The following NSD2 variants were observed in gnomAD, a reference collection of about 807,000 sequenced individuals.
The protein encoded by NSD2 is nuclear receptor binding SET domain protein 2, also known as histone-lysine N-methyltransferase NSD2.
NSD2 carries 12 observed loss-of-function variants against 139.0 expected under a neutral mutation model. The observed-to-expected ratio is 0.09, with a 90% confidence interval of 0.06 to 0.14. NSD2 has a LOEUF of 0.14. Among genes scored for constraint, NSD2 ranks in the 10% least tolerant of loss-of-function variants. The probability of loss-of-function intolerance (pLI) is 1.00; values close to 1 mark genes in which losing one functional copy is unlikely to be tolerated. For synonymous variants in NSD2, 669 were observed against 648.7 expected, an observed-to-expected ratio of 1.03 and a Z score of -0.48; for missense variants, 1,155 against 1,745.0, an observed-to-expected ratio of 0.66 and a Z score of 6.02.
chr4:1,916,889 G>A lies in NSD2; in HGVS notation c.779G>A (p.Arg260His). ...TKLKGQKKSA[R>H]QYHVQFFGDA... ...AAACTAGGTCAGAAAAAGAGTGCACGCCAGTATCACGTACAGTTCTTTGGT... is the reference window on the plus strand; with the variant it reads ...AAACTAGGTCAGAAAAAGAGTGCACACCAGTATCACGTACAGTTCTTTGGT... Residue 260 changes from arginine to histidine, a missense_variant, in exon 4 of 22, where the codon CGC becomes CAC. By Grantham distance (29) the Arg-to-His change is conservative. This residue lies in a region of NSD2 where 34 missense variants were observed against 75.2 expected (regional missense o/e 0.45). Coordinates refer to ENST00000508803, the MANE Select transcript of NSD2 (RefSeq NM_001042424.3). 1 of 1,610,528 alleles carries A rather than the reference G, an allele frequency of 6.2e-7. No homozygotes were observed. Among genetic ancestry groups the A allele is most frequent in the Non-Finnish European group, 8.5e-7 (1 of 1,178,882 alleles).
At position 1,972,011 on chromosome 4, in the gene NSD2, C is replaced by T. The variant is rs375161669; in HGVS notation, c.3373-2852C>T. Among the ~76,000 whole-genome samples the T allele has an allele frequency of 6.6e-6, 1 of 152,228 alleles. No individual in the cohort carries two copies. Among genetic ancestry groups the T allele is most frequent in the African/African-American group, 2.4e-5 (1 of 41,464 alleles). On this transcript the variant is annotated intron_variant, in intron 18 of 21. Coordinates refer to ENST00000508803, the MANE Select transcript of NSD2 (RefSeq NM_001042424.3). The surrounding 1 kb of genome is among the most constrained non-coding windows in gnomAD (Gnocchi z 4.0). ...GACGCTCACGCCGCTCCTGTACCCCCAAGGCTGCGGGTGCTGGGTGATGCA... is the reference window on the plus strand; with the variant it reads ...GACGCTCACGCCGCTCCTGTACCCCTAAGGCTGCGGGTGCTGGGTGATGCA...
At chr4:1,915,263 C>T (rs748905850) in intron 3 of NSD2, among the ~76,000 whole-genome samples, 1 of 151,636 alleles carries the variant, frequency 6.6e-6, no homozygotes, top group Non-Finnish European at 1.5e-5. Context: ...CTACAGGCGC[C>T]CACCACCATG....
At chr4:1,897,784 G>T (rs1487492465) in intron 1 of NSD2, among the ~76,000 whole-genome samples, 1 of 151,986 alleles carries the variant, frequency 6.6e-6, no homozygotes, top group Admixed American at 6.6e-5. Flanking sequence ...GTGCCACCAA[G>T]CCTGGCTAAT....
Position 1,923,219 on chromosome 4 carries a change from T to G in NSD2, c.1410+4596T>G, listed in dbSNP as rs371139429. On this transcript the variant is annotated intron_variant, in intron 5 of 21. Coordinates refer to ENST00000508803, the MANE Select transcript of NSD2 (RefSeq NM_001042424.3). ...AAATGAAAATCTAGGCCAGGCATGG[T>G]GACTCACGCCTGTAATCCCAGTACT... is the stretch of plus-strand genomic sequence containing the variant. 4.7e-4 allele frequency among the ~76,000 whole-genome samples: 71 copies of G among 149,992 alleles called. No individual in the cohort carries two copies. The South Asian group carries it at 0.013, about 28-fold the overall frequency.
At chr4:1,970,102 G>GGA (rs1726295784) in intron 18 of NSD2, among the ~76,000 whole-genome samples, 1 of 152,204 alleles carries the variant, frequency 6.6e-6, no homozygotes. Context: ...GGGCTGCTGA[G>GGA]GAGAGGCACT....
At chr4:1,933,221 G>C (rs1330967445) in intron 6 of NSD2, among the ~76,000 whole-genome samples, 1 of 152,218 alleles carries the variant, frequency 6.6e-6, no homozygotes, top group Non-Finnish European at 1.5e-5. Context: ...CCTGAGGTGA[G>C]GCTCTGTGAA....
intron 9 of NSD2, among the ~76,000 whole-genome samples, chr4:1,949,271 C>T (rs1723960425): frequency 1.3e-5 from 2 of 152,200 alleles, no homozygotes; most frequent in Admixed American, 6.5e-5. Flanking sequence ...AGTGACAGAG[C>T]CTTAAAGTGT....
In NSD2 at chr4:1,901,382, G is replaced by T. The variant is rs1293978924; in HGVS notation, c.597+131G>T. ...ACAGGCCTGGTACTTCCAGCCACTTGCCTGAGCCCTGGCTTTGGGTTGGAG... is the reference window on the plus strand; with the variant it reads ...ACAGGCCTGGTACTTCCAGCCACTTTCCTGAGCCCTGGCTTTGGGTTGGAG... On this transcript the variant is annotated intron_variant, in intron 2 of 21. Transcript: ENST00000508803. 1.5e-5 allele frequency: 12 copies of T among 811,890 alleles called. No individual in the cohort carries two copies. The East Asian group carries it at 2.8e-4, about 19-fold the overall frequency. The allele number at this position is 811,890 out of a possible 1,614,324, so 50.3% of individuals were successfully genotyped here.
Position 1,938,537 on chromosome 4 carries a change from T to G in NSD2, c.1756+5T>G, listed in dbSNP as rs1306764582. ...CCTCGCTCAAGAGCCAGGCAGGTAATGTGGTCAGCGCCCTTTCCTTCTTGG... is the reference window on the plus strand; with the variant it reads ...CCTCGCTCAAGAGCCAGGCAGGTAAGGTGGTCAGCGCCCTTTCCTTCTTGG... On this transcript the variant is annotated splice_donor_5th_base_variant and intron_variant, in intron 8 of 21. Coordinates refer to ENST00000508803, the MANE Select transcript of NSD2 (RefSeq NM_001042424.3). 1 of 1,567,158 alleles carries G rather than the reference T, an allele frequency of 6.4e-7. No homozygotes were observed. The highest frequency in any genetic ancestry group is 8.7e-7 in the Non-Finnish European group (1 of 1,154,456).
At chr4:1,889,768 A>G (rs1482980477) in intron 1 of NSD2, among the ~76,000 whole-genome samples, 1 of 151,782 alleles carries the variant, frequency 6.6e-6, no homozygotes, top group East Asian at 1.9e-4. Flanking sequence ...TGACCTCCCA[A>G]AGTGCTGGGA....
At chr4:1,938,138 G>T (rs1722618251) in intron 7 of NSD2, among the ~76,000 whole-genome samples, 1 of 152,166 alleles carries the variant, frequency 6.6e-6, no homozygotes, top group African/African-American at 2.4e-5. Context: ...CCACATGACT[G>T]CAGCGGGTCT....
intron 18 of NSD2, among the ~76,000 whole-genome samples, chr4:1,962,739 T>C (rs1284184422): frequency 6.6e-6 from 1 of 152,196 alleles, no homozygotes; most frequent in Non-Finnish European, 1.5e-5. Flanking sequence ...AGCACAGTCA[T>C]AGTTCACTGC....
chr4:1,881,268 TC>T (rs1225913526), intron 1 of NSD2, among the ~76,000 whole-genome samples: 1 of 152,092 alleles, frequency 6.6e-6, no homozygotes, highest in African/African-American at 2.4e-5. Context: ...TGTTTTTGTT[TC>T]TGTTTTTTTG....
intron 6 of NSD2, 125 bp downstream of exon 6, chr4:1,930,895 G>GGACCGCT: frequency 1.6e-6 from 2 of 1,278,196 alleles, no homozygotes; most frequent in Non-Finnish European, 2.1e-6. Flanking sequence ...CGTGGGGTTT[G>GGACCGCT]GGCCAGCGGT....
rs566775708 is a variant in NSD2 at position 1,973,389 on chromosome 4, G to A, written c.3373-1474G>A. On this transcript the variant is annotated intron_variant, in intron 18 of 21. Transcript: ENST00000508803. This position sits in a 1 kb window ranked among gnomAD's most constrained non-coding sequence, Gnocchi z 5.5. The stretch of plus-strand genomic sequence containing the variant: ...GTGGCATGTCCCATGTGCATGCCCC[G>A]TGCTGTCCTCGTCCCCAGGGCCCTG... 5.3e-5 allele frequency among the ~76,000 whole-genome samples: 8 copies of A among 152,286 alleles called. No homozygotes were observed. Among genetic ancestry groups the A allele is most frequent in the South Asian group, 2.1e-4 (1 of 4,824 alleles).
intron 5 of NSD2, among the ~76,000 whole-genome samples, chr4:1,920,555 A>C (rs1467415584): frequency 6.6e-6 from 1 of 152,232 alleles, no homozygotes; most frequent in Non-Finnish European, 1.5e-5. Context: ...TTTTTAATTA[A>C]GTAAACACCC....
chr4:1,946,180 GA>G (rs1476314532), intron 9 of NSD2: 4 of 1,021,244 alleles, frequency 3.9e-6, no homozygotes, highest in Non-Finnish European at 3.5e-6. Context: ...ACTGTCATTA[GA>G]AAAGGTTTCT....
chr4:1,916,722 G>T (rs1353690776), intron 3 of NSD2, 149 bp from the exon 4 acceptor site: 5 of 641,882 alleles, frequency 7.8e-6, no homozygotes, highest in Non-Finnish European at 1.3e-5. Flanking sequence ...TTGGCATGTG[G>T]CATGGAAGGG....
intron 8 of NSD2, 61 bp downstream of exon 8, chr4:1,938,593 T>TGGGGGGGGGGGGGGGGG: frequency 3.9e-6 from 2 of 515,346 alleles, no homozygotes; most frequent in Non-Finnish European, 7.4e-6. Context: ...GCTGGGTGGG[T>TGGGGGGGGGGGGGGGGG]GGGCTGAGAG....
Sources: gnomAD v4.1 joint callset for allele counts (sites outside exome capture counted in the v4.1 genomes callset) on GRCh38, gnomAD v4.1.1 for gene constraint, gnomAD v4.1.1 regional missense constraint, Gnocchi (gnomAD v3.1) non-coding constraint, MANE v1.5 for transcripts, NCBI Gene and HGNC (gene_info 2026-07-23, HGNC 2026-07-21) for gene names.